ITGB6: variants seen among roughly 807,000 people sequenced by gnomAD.
ITGB6 encodes integrin subunit beta 6, also known as integrin beta-6.
A neutral mutation model predicts 84.5 loss-of-function variants in ITGB6; 80 were observed. The ratio of observed to expected loss-of-function variants is 0.95; its 90% CI spans 0.79 to 1.14. ITGB6 has a LOEUF of 1.14. Ranked by LOEUF, ITGB6 falls within the 50% of genes most tolerant of loss-of-function variation. The probability of loss-of-function intolerance (pLI) is 0.00; values close to 1 mark genes in which losing one functional copy is unlikely to be tolerated. For missense variants in ITGB6, 1,006 were observed against 968.0 expected (o/e 1.04, Z -0.52); for synonymous variants, 383 against 354.9 (o/e 1.08, Z -0.89).
chr2:160,159,732 C>T (rs558276936), intron 7 of ITGB6, among the ~76,000 whole-genome samples: 4 of 152,320 alleles, frequency 2.6e-5, no homozygotes, highest in South Asian at 4.1e-4. Flanking sequence ...CTTCAGCTCG[C>T]TTCCTCATTA....
intron 8 of ITGB6, among the ~76,000 whole-genome samples, chr2:160,138,428 G>A (rs1385482789): frequency 5.3e-5 from 8 of 152,052 alleles, no homozygotes; most frequent in South Asian, 2.1e-4. Flanking sequence ...ATTATCTTAC[G>A]ACAATTAAAC....
chr2:160,186,320 C>A (rs1443300601), intron 4 of ITGB6, among the ~76,000 whole-genome samples: 1 of 149,666 alleles, frequency 6.7e-6, no homozygotes, highest in African/African-American at 2.5e-5. Context: ...TGAACAGACA[C>A]TTCTCAAAAG....
At chr2:160,162,915 G>A (rs529735253) in intron 7 of ITGB6, among the ~76,000 whole-genome samples, 11 of 152,216 alleles carry the variant, frequency 7.2e-5, no homozygotes, top group South Asian at 6.2e-4. Context: ...CACTGCACCC[G>A]GCCGAGTGTT....
In ITGB6 at chr2:160,159,646, C is replaced by G. The variant is rs1684748304; in HGVS notation, c.1017+9566G>C. ...GCCAACTGGCCTTTTTTCCTTTTCT[C>G]AAGCACACTGGGAACTGAGTCCTTT... On this transcript the variant is annotated intron_variant, in intron 7 of 14. Transcript: ENST00000283249. 2.0e-5 allele frequency among the ~76,000 whole-genome samples: 3 copies of G among 152,220 alleles called. No individual in the cohort carries two copies. The South Asian group carries it at 6.2e-4, about 32-fold the overall frequency.
At chr2:160,124,279 G>T (rs899980872) in intron 11 of ITGB6, among the ~76,000 whole-genome samples, 2 of 152,190 alleles carry the variant, frequency 1.3e-5, no homozygotes. Flanking sequence ...TGAATTTCTT[G>T]ACAGAAATGG....
At chr2:160,198,235 G>A (rs947722764) in intron 2 of ITGB6, among the ~76,000 whole-genome samples, 9 of 151,984 alleles carry the variant, frequency 5.9e-5, no homozygotes, top group East Asian at 1.9e-4. Flanking sequence ...TTTTGTGGCC[G>A]CGTTGGTCAA....
At chr2:160,156,777 C>A (rs1684638139) in intron 7 of ITGB6, among the ~76,000 whole-genome samples, 1 of 152,132 alleles carries the variant, frequency 6.6e-6, no homozygotes, top group South Asian at 2.1e-4. Flanking sequence ...AGGGCTGAAC[C>A]CATACACTCA....
chr2:160,185,970 T>C (rs569924175), intron 4 of ITGB6, among the ~76,000 whole-genome samples: 1 of 152,014 alleles, frequency 6.6e-6, no homozygotes, highest in East Asian at 1.9e-4. Context: ...AAAAATTAAC[T>C]CAAGATGGAT....
At chr2:160,113,713 T>G (rs964197070) in intron 12 of ITGB6, among the ~76,000 whole-genome samples, 1 of 152,242 alleles carries the variant, frequency 6.6e-6, no homozygotes, top group Non-Finnish European at 1.5e-5. Flanking sequence ...CTTAGTGAGT[T>G]GTTTAATAAG....
intron 11 of ITGB6, 97 bp from the exon 12 acceptor site, chr2:160,123,985 T>C: frequency 2.5e-6 from 2 of 795,274 alleles, no homozygotes; most frequent in Non-Finnish European, 4.2e-6. Context: ...ATTTGTGCTA[T>C]AGGAGTATGT....
At chr2:160,153,112 AAG>A (rs1262699115) in intron 7 of ITGB6, among the ~76,000 whole-genome samples, 1 of 152,216 alleles carries the variant, frequency 6.6e-6, no homozygotes, top group East Asian at 1.9e-4. Context: ...GGAATCAAAA[AAG>A]AGCCCGCACT....
At chr2:160,146,570 A>G (rs1428370022) in intron 7 of ITGB6, among the ~76,000 whole-genome samples, 1 of 152,176 alleles carries the variant, frequency 6.6e-6, no homozygotes, top group Non-Finnish European at 1.5e-5. Context: ...ATATGATGTC[A>G]TATAATCTGC....
intron 10 of ITGB6, among the ~76,000 whole-genome samples, chr2:160,137,229 T>C (rs2105817798): frequency 6.6e-6 from 1 of 152,096 alleles, no homozygotes; most frequent in East Asian, 1.9e-4. Context: ...TAGACATAAG[T>C]TCAGTTGGCA....
At chr2:160,109,234 A>C (rs1331463932) in intron 13 of ITGB6, among the ~76,000 whole-genome samples, 1 of 152,248 alleles carries the variant, frequency 6.6e-6, no homozygotes, top group Admixed American at 6.5e-5. Flanking sequence ...GAGATTATGC[A>C]GAAATAAGTA....
At chr2:160,167,205 CCTT>C (rs779272112) in intron 7 of ITGB6, among the ~76,000 whole-genome samples, 1 of 152,164 alleles carries the variant, frequency 6.6e-6, no homozygotes, top group East Asian at 1.9e-4. Context: ...ATACAGGGCT[CCTT>C]CTAAAAGATG....
chr2:160,120,739 T>C (rs544801358), intron 12 of ITGB6, among the ~76,000 whole-genome samples: 1 of 110,714 alleles, frequency 9.0e-6, no homozygotes, highest in South Asian at 2.9e-4. Context: ...CCGTAAAAAA[T>C]GAAGAGTTCA....
At chr2:160,151,104 GTCTACAGAAC>G (rs1293121658) in intron 7 of ITGB6, among the ~76,000 whole-genome samples, 1 of 152,076 alleles carries the variant, frequency 6.6e-6, no homozygotes, top group African/African-American at 2.4e-5. Context: ...CCTAATAGAT[GTCTACAGAAC>G]TCTCCACCCC....
intron 7 of ITGB6, among the ~76,000 whole-genome samples, chr2:160,157,489 A>G (rs1309990956): frequency 2.0e-5 from 3 of 152,210 alleles, no homozygotes; most frequent in African/African-American, 7.2e-5. Flanking sequence ...TGCCAGAGAA[A>G]CTAGTGCAAA....
intron 10 of ITGB6, among the ~76,000 whole-genome samples, chr2:160,126,855 T>C (rs1683265201): frequency 6.6e-6 from 1 of 152,200 alleles, no homozygotes; most frequent in African/African-American, 2.4e-5. Flanking sequence ...TTGTAAACCA[T>C]AAATAAAAAT....
Sources: allele counts gnomAD v4.1 joint callset (sites outside exome capture counted in the v4.1 genomes callset), GRCh38; gene constraint gnomAD v4.1.1; transcripts MANE v1.5; gene names NCBI Gene and HGNC (gene_info 2026-07-23, HGNC 2026-07-21).